The following PEX14 variants were observed in gnomAD, a reference collection of about 807,000 sequenced individuals.
PEX14 encodes peroxisomal membrane protein PEX14.
In PEX14, 15 loss-of-function variants were observed where a neutral mutation model predicts 49.5. The observed-to-expected ratio is 0.30, with a 90% confidence interval of 0.20 to 0.47. The LOEUF is 0.47. PEX14 is among the 20% of genes least tolerant of loss of function. The pLI is 1.00. For synonymous variants in PEX14, 210 were observed against 212.7 expected (o/e 0.99, Z 0.11); for missense variants, 398 against 494.8 (o/e 0.80, Z 1.86).
chr1:10,523,365 G>T (rs1356004538), intron 2 of PEX14, among the ~76,000 whole-genome samples: 1 of 152,104 alleles, frequency 6.6e-6, no homozygotes, highest in Non-Finnish European at 1.5e-5. Flanking sequence ...CTCCTTCTCT[G>T]TTGGTTTTCT....
At chr1:10,522,272 A>G (rs1638321888) in intron 2 of PEX14, among the ~76,000 whole-genome samples, 1 of 152,252 alleles carries the variant, frequency 6.6e-6, no homozygotes, top group Admixed American at 6.5e-5. Flanking sequence ...ACAGCAGTCT[A>G]TCCTGATTCC....
intron 4 of PEX14, among the ~76,000 whole-genome samples, chr1:10,611,265 C>T (rs77708413): frequency 0.14 from 20,965 of 151,702 alleles, 2,224 homozygotes; most frequent in East Asian, 0.36. Context: ...TCTGTCCCCC[C>T]ACCGAAATAA....
chr1:10,560,490 C>T (rs771604341), intron 3 of PEX14, among the ~76,000 whole-genome samples: 54 of 152,010 alleles, frequency 3.6e-4, no homozygotes, highest in Non-Finnish European at 6.0e-4. Flanking sequence ...TGCAGTGGTG[C>T]CATCTGGGAC....
At chr1:10,501,581 G>A (rs1364857055) in intron 2 of PEX14, among the ~76,000 whole-genome samples, 2 of 152,050 alleles carry the variant, frequency 1.3e-5, no homozygotes, top group South Asian at 2.1e-4. Context: ...GATTACAGGC[G>A]TGAGCCACCG....
intron 3 of PEX14, among the ~76,000 whole-genome samples, chr1:10,554,917 A>G (rs969383353): frequency 4.6e-5 from 7 of 152,000 alleles, no homozygotes; most frequent in Admixed American, 6.5e-5. Flanking sequence ...GGGTTTTGCC[A>G]TGTTTCCCAG....
intron 4 of PEX14, among the ~76,000 whole-genome samples, chr1:10,610,217 A>G (rs1226220540): frequency 6.7e-6 from 1 of 148,642 alleles, no homozygotes; most frequent in East Asian, 1.9e-4. Context: ...GTCTACCCCA[A>G]GGTTGAAGAG....
At chr1:10,553,329 G>C (rs1296070853) in intron 3 of PEX14, among the ~76,000 whole-genome samples, 8 of 152,144 alleles carry the variant, frequency 5.3e-5, no homozygotes, top group Admixed American at 3.3e-4. Context: ...AGATGAAAGA[G>C]TAGACCAGGA....
At position 10,628,810 on chromosome 1, in the gene PEX14, C is replaced by T. The variant is rs1641823285; in HGVS notation, c.678-721C>T. On this transcript the variant is annotated intron_variant, in intron 8 of 8. Coordinates refer to ENST00000356607, the MANE Select transcript of PEX14 (RefSeq NM_004565.3). The surrounding 1 kb of genome is among the most constrained non-coding windows in gnomAD (Gnocchi z 4.5). ...CGGGCAGGGCTTTGTCCTCTTGGCT[C>T]AGGCAGAGATGGGCCTGCCTGTTGG... 6.6e-6 allele frequency among the ~76,000 whole-genome samples: 1 copy of T among 152,168 alleles called. No homozygotes were observed. Among genetic ancestry groups the T allele is most frequent in the Non-Finnish European group, 1.5e-5 (1 of 68,036 alleles).
At chr1:10,523,201 A>G (rs1350430334) in intron 2 of PEX14, among the ~76,000 whole-genome samples, 1 of 151,964 alleles carries the variant, frequency 6.6e-6, no homozygotes, top group Non-Finnish European at 1.5e-5. Context: ...TCTTATTTGC[A>G]GCTTTTATCT....
intron 3 of PEX14, among the ~76,000 whole-genome samples, chr1:10,573,297 G>C (rs973750847): frequency 1.3e-5 from 2 of 152,138 alleles, no homozygotes; most frequent in Admixed American, 6.5e-5. Flanking sequence ...AAGTGTACAG[G>C]CTTTTTGAAA....
At chr1:10,481,069 T>C (rs1641275680) in intron 1 of PEX14, among the ~76,000 whole-genome samples, 1 of 151,642 alleles carries the variant, frequency 6.6e-6, no homozygotes, top group African/African-American at 2.4e-5. Flanking sequence ...TTAAAAAAAA[T>C]CAGAATCTAG....
chr1:10,536,932 A>AT (rs1638824053), intron 3 of PEX14, among the ~76,000 whole-genome samples: 1 of 152,098 alleles, frequency 6.6e-6, no homozygotes, highest in Non-Finnish European at 1.5e-5. Flanking sequence ...TGACTTTTCA[A>AT]TTTTTTATAC....
At chr1:10,478,129 C>T (rs1191572490) in intron 1 of PEX14, among the ~76,000 whole-genome samples, 1 of 152,124 alleles carries the variant, frequency 6.6e-6, no homozygotes, top group Non-Finnish European at 1.5e-5. Context: ...CTCAGGTAAC[C>T]TGCCCACCTC....
At position 10,611,110 on chromosome 1, in the gene PEX14, T is replaced by C. The variant is rs1015184811; in HGVS notation, c.299-7222T>C. Among the ~76,000 whole-genome samples, 3 of 151,848 alleles carry C rather than the reference T, an allele frequency of 2.0e-5. No individual in the cohort carries two copies. The East Asian group carries it at 5.8e-4, about 30-fold the overall frequency. ...TGAAACCCTGTCTGTACTAAAAATA[T>C]AAAAATTAGCTGAGCCTGGTGGCAT... On this transcript the variant is annotated intron_variant, in intron 4 of 8. Transcript: ENST00000356607.
chr1:10,574,568 A>G (rs1420510334), intron 3 of PEX14, among the ~76,000 whole-genome samples: 1 of 152,182 alleles, frequency 6.6e-6, no homozygotes, highest in Non-Finnish European at 1.5e-5. Flanking sequence ...AGAACTTGCA[A>G]ATCACATTCT....
In PEX14 at chr1:10,628,614, G is replaced by A. The variant is rs534160826; in HGVS notation, c.678-917G>A. On this transcript the variant is annotated intron_variant, in intron 8 of 8. Coordinates refer to ENST00000356607, the MANE Select transcript of PEX14 (RefSeq NM_004565.3). The surrounding 1 kb of genome is among the most constrained non-coding windows in gnomAD (Gnocchi z 4.5). ...CCGAGACCAGTGCCTTGGAGGCTGG[G>A]GATGGAGGCCAGGCCATCGGGTGAC... 5.8e-4 allele frequency among the ~76,000 whole-genome samples: 88 copies of A among 152,264 alleles called. No individual in the cohort carries two copies. The highest frequency in any genetic ancestry group is 9.6e-4 in the Non-Finnish European group (65 of 68,032).
chr1:10,630,043 C>G lies in PEX14; in HGVS notation c.*56C>G. The G allele has an allele frequency of 6.3e-7, 1 of 1,594,390 alleles. No individual in the cohort carries two copies. Among genetic ancestry groups the G allele is most frequent in the Non-Finnish European group, 8.5e-7 (1 of 1,176,566 alleles). On this transcript the variant is annotated 3_prime_UTR_variant, in exon 9 of 9. Coordinates refer to ENST00000356607, the MANE Select transcript of PEX14 (RefSeq NM_004565.3). The surrounding 1 kb of genome is among the most constrained non-coding windows in gnomAD (Gnocchi z 4.1). ...TGGCATCTAGTGTGCCCGTGCGTGG[C>G]CATACCCTGCCTCCCTCTCTGGCCC...
At chr1:10,544,021 T>A (rs1639098118) in intron 3 of PEX14, among the ~76,000 whole-genome samples, 1 of 152,180 alleles carries the variant, frequency 6.6e-6, no homozygotes, top group East Asian at 1.9e-4. Context: ...TCTTCAGGTG[T>A]GGGGGATCTG....
chr1:10,523,770 G>C (rs1341298819), intron 2 of PEX14, among the ~76,000 whole-genome samples: 2 of 149,526 alleles, frequency 1.3e-5, no homozygotes, highest in East Asian at 3.9e-4. Flanking sequence ...CGATATTCTA[G>C]GAGAAGCTTT....
Sources: gnomAD v4.1 joint callset for allele counts (sites outside exome capture counted in the v4.1 genomes callset) on GRCh38, gnomAD v4.1.1 for gene constraint, Gnocchi (gnomAD v3.1) non-coding constraint, MANE v1.5 for transcripts, NCBI Gene and HGNC (gene_info 2026-07-23, HGNC 2026-07-21) for gene names.